Variants in PPP3CA observed in about 807,000 individuals in gnomAD.
PPP3CA encodes the protein CAM-PRP catalytic subunit.
A neutral mutation model predicts 66.5 loss-of-function variants in PPP3CA; 14 were observed. The observed-to-expected ratio is 0.21, with a 90% CI of 0.14 to 0.33. PPP3CA has a LOEUF of 0.33. Ranked by LOEUF, PPP3CA falls within the 10% of genes least tolerant of loss-of-function variation. The probability of loss-of-function intolerance (pLI) is 1.00; values close to 1 mark genes in which losing one functional copy is unlikely to be tolerated. For synonymous variants in PPP3CA, 232 were observed against 226.2 expected (o/e 1.03, Z -0.23); for missense variants, 317 against 639.5 (o/e 0.50, Z 5.44).
At chr4:101,280,427 T>C (rs558751008) in intron 1 of PPP3CA, among the ~76,000 whole-genome samples, 2 of 152,058 alleles carry the variant, frequency 1.3e-5, no homozygotes, top group Admixed American at 1.3e-4. Flanking sequence ...AGAGTCTGAG[T>C]GTGGACAAGT....
At chr4:101,243,480 G>A (rs543240873) in intron 1 of PPP3CA, among the ~76,000 whole-genome samples, 2 of 151,612 alleles carry the variant, frequency 1.3e-5, no homozygotes, top group South Asian at 4.2e-4. Flanking sequence ...TATACATAGG[G>A]AAAAAAAACA....
chr4:101,026,674 C>A (rs1726668964), intron 13 of PPP3CA, among the ~76,000 whole-genome samples: 1 of 151,920 alleles, frequency 6.6e-6, no homozygotes, highest in African/African-American at 2.4e-5. Flanking sequence ...AAATTATAAA[C>A]TCCTGTCTCC....
intron 10 of PPP3CA, among the ~76,000 whole-genome samples, chr4:101,049,983 G>A (rs1727939985): frequency 6.6e-6 from 1 of 152,040 alleles, no homozygotes; most frequent in African/African-American, 2.4e-5. Flanking sequence ...TTCAGGCACG[G>A]TGTTTTGTTA....
chr4:101,199,529 A>G lies in PPP3CA; in HGVS notation c.59-3413T>C, dbSNP rs185106905. ...TAAGACTTCTTAGAAGCATCCTAAA[A>G]ATAGATAGAAACCTTCTCAGCTTTC... On this transcript the variant is annotated intron_variant, in intron 1 of 13. Coordinates refer to ENST00000394854, the MANE Select transcript of PPP3CA (RefSeq NM_000944.5). Among the ~76,000 whole-genome samples, 443 of 152,310 alleles carry G rather than the reference A, an allele frequency of 2.9e-3. 6 individuals are homozygous for G. Among genetic ancestry groups the G allele is most frequent in the African/African-American group, 9.7e-3 (403 of 41,566 alleles).
chr4:101,128,209 T>C (rs1338715072), intron 2 of PPP3CA, among the ~76,000 whole-genome samples: 3 of 152,184 alleles, frequency 2.0e-5, no homozygotes, highest in African/African-American at 7.2e-5. Context: ...TATAGTGTTC[T>C]ATACCACTAC....
chr4:101,135,692 A>G (rs757133522), intron 2 of PPP3CA, among the ~76,000 whole-genome samples: 10 of 152,264 alleles, frequency 6.6e-5, no homozygotes, highest in South Asian at 2.1e-4. Flanking sequence ...AAATTCATTT[A>G]TAACAAGAAA....
At chr4:101,195,151 C>T (rs1324956135) in intron 2 of PPP3CA, among the ~76,000 whole-genome samples, 4 of 151,344 alleles carry the variant, frequency 2.6e-5, no homozygotes, top group Non-Finnish European at 4.4e-5. Context: ...ACCTATAATC[C>T]CAGCTACTCG....
chr4:101,244,317 C>G (rs757149925), intron 1 of PPP3CA, among the ~76,000 whole-genome samples: 1 of 152,130 alleles, frequency 6.6e-6, no homozygotes, highest in South Asian at 2.1e-4. Context: ...AGAGTCCACA[C>G]ACTTCTAAGG....
At chr4:101,052,337 T>TA (rs1282759562) in intron 10 of PPP3CA, among the ~76,000 whole-genome samples, 1 of 152,042 alleles carries the variant, frequency 6.6e-6, no homozygotes, top group Non-Finnish European at 1.5e-5. Flanking sequence ...CATACCAAAC[T>TA]ACATCTAATA....
At chr4:101,298,830 T>C (rs1459061503) in intron 1 of PPP3CA, among the ~76,000 whole-genome samples, 2 of 148,202 alleles carry the variant, frequency 1.3e-5, no homozygotes, top group East Asian at 2.0e-4. Context: ...CCCAAATTGT[T>C]CAAGGGTCTA....
At chr4:101,126,734 T>A (rs1449281884) in intron 2 of PPP3CA, among the ~76,000 whole-genome samples, 2 of 152,176 alleles carry the variant, frequency 1.3e-5, no homozygotes, top group Non-Finnish European at 1.5e-5. Flanking sequence ...AAAGCAAACT[T>A]AGTTAAGTAT....
At chr4:101,267,498 C>T (rs1727204895) in intron 1 of PPP3CA, among the ~76,000 whole-genome samples, 1 of 152,074 alleles carries the variant, frequency 6.6e-6, no homozygotes, top group South Asian at 2.1e-4. Context: ...AGAAACTGTG[C>T]TACGACTCCT....
intron 11 of PPP3CA, among the ~76,000 whole-genome samples, chr4:101,036,737 C>T (rs542681575): frequency 6.6e-6 from 1 of 152,266 alleles, no homozygotes; most frequent in South Asian, 2.1e-4. Context: ...TAACCCTCGC[C>T]TCTCTCTGAA....
In PPP3CA at chr4:101,161,683, C is replaced by A. The variant is rs139026421; in HGVS notation, c.259+34233G>T. Among the ~76,000 whole-genome samples the A allele has an allele frequency of 2.3e-3, 349 of 152,218 alleles. 4 individuals are homozygous for A. In the East Asian group the frequency reaches 0.049, roughly 21 times the overall value. The stretch of plus-strand genomic sequence containing the variant: ...ACATACAGGTGAGAGCTTTACAATA[C>A]TTGGTAAACAATTCTGAACAAATTC... On this transcript the variant is annotated intron_variant, in intron 2 of 13. Coordinates refer to ENST00000394854, the MANE Select transcript of PPP3CA (RefSeq NM_000944.5).
intron 11 of PPP3CA, among the ~76,000 whole-genome samples, chr4:101,039,992 A>T: frequency 9.4e-6 from 1 of 106,126 alleles, no homozygotes; most frequent in Non-Finnish European, 2.3e-5. Context: ...AATCTACAAA[A>T]TATACTACTA....
chr4:101,289,731 C>G (rs1466872109), intron 1 of PPP3CA, among the ~76,000 whole-genome samples: 1 of 151,920 alleles, frequency 6.6e-6, no homozygotes, highest in Non-Finnish European at 1.5e-5. Flanking sequence ...TTTAAACTTA[C>G]CTTTCATTTT....
intron 6 of PPP3CA, among the ~76,000 whole-genome samples, chr4:101,083,686 G>C (rs922284517): frequency 2.6e-5 from 4 of 152,164 alleles, no homozygotes; most frequent in Non-Finnish European, 4.4e-5. Context: ...ATACAACAGA[G>C]ATAACTGAGT....
chr4:101,317,972 T>G (rs1314119990), intron 1 of PPP3CA, among the ~76,000 whole-genome samples: 2 of 152,334 alleles, frequency 1.3e-5, no homozygotes, highest in East Asian at 3.9e-4. Flanking sequence ...AAAAGTAGGT[T>G]GAGATAGTAC....
chr4:101,330,794 T>C (rs541814886), intron 1 of PPP3CA, among the ~76,000 whole-genome samples: 1 of 152,250 alleles, frequency 6.6e-6, no homozygotes, highest in African/African-American at 2.4e-5. Flanking sequence ...TTTTTTTTCA[T>C]AGCCTTAACC....
Sources: allele counts gnomAD v4.1 joint callset (sites outside exome capture counted in the v4.1 genomes callset), GRCh38; gene constraint gnomAD v4.1.1; transcripts MANE v1.5; gene names NCBI Gene and HGNC (gene_info 2026-07-23, HGNC 2026-07-21).